The following CRYL1 variants were observed in gnomAD, a reference collection of about 807,000 sequenced individuals.
The protein encoded by CRYL1 is lambda-crystallin homolog.
A neutral mutation model predicts 36.6 loss-of-function variants in CRYL1; 29 were observed. That is an observed-to-expected ratio of 0.79 (90% CI 0.59 to 1.08). CRYL1 has a LOEUF of 1.08. Among genes scored for constraint, CRYL1 ranks in the 50% least tolerant of loss-of-function variants. CRYL1 has a pLI of 0.00. For synonymous variants in CRYL1, 152 were observed against 151.5 expected (o/e 1.00, Z -0.02); for missense variants, 411 against 407.9 (o/e 1.01, Z -0.06).
chr13:20,462,661 TC>T (rs1208423169), intron 3 of CRYL1, among the ~76,000 whole-genome samples: 6 of 151,636 alleles, frequency 4.0e-5, no homozygotes, highest in African/African-American at 1.5e-4. Context: ...AAAGCTCTCA[TC>T]GGAAGGGCAG....
rs193275372 is a variant in CRYL1 at position 20,464,909 on chromosome 13, G to A, written c.276+24461C>T. Among the ~76,000 whole-genome samples, 24 of 152,178 alleles carry A rather than the reference G, an allele frequency of 1.6e-4. No homozygotes were observed. In the East Asian group the frequency reaches 3.9e-3, roughly 24 times the overall value. ...AAACATGCTACACACAGCCGCCTTC[G>A]CCATATCCCTGAAAGAAAACCTCTG... On this transcript the variant is annotated intron_variant, in intron 3 of 7. Coordinates refer to ENST00000298248, the MANE Select transcript of CRYL1 (RefSeq NM_015974.3).
chr13:20,411,278 T>C (rs2031516252), intron 6 of CRYL1, among the ~76,000 whole-genome samples: 1 of 152,194 alleles, frequency 6.6e-6, no homozygotes, highest in Non-Finnish European at 1.5e-5. Context: ...CGTCCACCAT[T>C]ATCATATGAA....
chr13:20,435,157 T>C lies in CRYL1; in HGVS notation c.439-2861A>G, dbSNP rs2032181211. Among the ~76,000 whole-genome samples the C allele has an allele frequency of 6.6e-6, 1 of 152,174 alleles. No individual in the cohort carries two copies. Among genetic ancestry groups the C allele is most frequent in the Non-Finnish European group, 1.5e-5 (1 of 68,024 alleles). On this transcript the variant is annotated intron_variant, in intron 4 of 7. Transcript: ENST00000298248. This position sits in a 1 kb window ranked among gnomAD's most constrained non-coding sequence, Gnocchi z 4.0. ...GTTGGTGGTGGTGGCTGCACACCAG[T>C]GAGAATGTCCTTAATGCCTCCAAAC...
At chr13:20,511,407 T>A (rs73447913) in intron 2 of CRYL1, among the ~76,000 whole-genome samples, 7,878 of 152,196 alleles carry the variant, frequency 0.052, 690 homozygotes, top group African/African-American at 0.18. Flanking sequence ...TTTTGTTTTT[T>A]AGATTGACAT....
chr13:20,525,374 T>A lies in CRYL1; in HGVS notation c.41+380A>T, dbSNP rs1456348234. On this transcript the variant is annotated intron_variant, in intron 1 of 7. Transcript: ENST00000298248. This position sits in a 1 kb window ranked among gnomAD's most constrained non-coding sequence, Gnocchi z 4.3. ...GGATGAGAACACAGTCGTCGCAGGA[T>A]CGCAGCCAGAATTCGTTTCATTCAA... Among the ~76,000 whole-genome samples the A allele has an allele frequency of 1.3e-5, 2 of 152,202 alleles. No individual in the cohort carries two copies. The highest frequency in any genetic ancestry group is 3.8e-4 in the East Asian group (2 of 5,198).
chr13:20,468,131 A>G (rs4264247), intron 3 of CRYL1, among the ~76,000 whole-genome samples: 125,257 of 152,102 alleles, frequency 0.82, 51,714 homozygotes, highest in Admixed American at 0.87. Flanking sequence ...GTGCCAAAAC[A>G]GTTGAGAACT....
intron 2 of CRYL1, among the ~76,000 whole-genome samples, chr13:20,504,056 C>T (rs1040141128): frequency 1.3e-5 from 2 of 152,080 alleles, no homozygotes; most frequent in Admixed American, 6.5e-5. Flanking sequence ...CTAAAGATGG[C>T]GATTTCAGAT....
chr13:20,420,244 C>G (rs906270051), intron 5 of CRYL1, among the ~76,000 whole-genome samples: 1 of 152,212 alleles, frequency 6.6e-6, no homozygotes, highest in African/African-American at 2.4e-5. Context: ...GGAGTCAGCG[C>G]TCCGGGGAAA....
intron 3 of CRYL1, among the ~76,000 whole-genome samples, chr13:20,476,537 T>G (rs958617256): frequency 6.6e-6 from 1 of 152,042 alleles, no homozygotes; most frequent in African/African-American, 2.4e-5. Flanking sequence ...GACTTTCAAA[T>G]GAAAATAAAC....
At chr13:20,453,280 T>C (rs1347320150) in intron 3 of CRYL1, among the ~76,000 whole-genome samples, 1 of 152,170 alleles carries the variant, frequency 6.6e-6, no homozygotes, top group African/African-American at 2.4e-5. Flanking sequence ...GAAGTGGAAG[T>C]CTATGAGAAA....
chr13:20,489,461 A>T lies in CRYL1; in HGVS notation c.185T>A (p.Leu62Gln), dbSNP rs2033467886. ...EMKLLEQAGS[L>Q]KGSLSVEEQL... ...CTCTTCCACACTCAGGGAGCCTTTCAGAGAACCTGCCTGCTCCAGCAACTT... is the reference window on the plus strand; with the variant it reads ...CTCTTCCACACTCAGGGAGCCTTTCTGAGAACCTGCCTGCTCCAGCAACTT... The change falls in exon 3 of 8, where the codon CTG becomes CAG. Residue 62 changes from leucine to glutamine, a missense_variant. Coordinates refer to ENST00000298248, the MANE Select transcript of CRYL1 (RefSeq NM_015974.3). 1 of 1,613,442 alleles carries T rather than the reference A, an allele frequency of 6.2e-7. No homozygotes were observed. Among genetic ancestry groups the T allele is most frequent in the Non-Finnish European group, 8.5e-7 (1 of 1,180,018 alleles).
chr13:20,434,238 G>A (rs917102285), intron 4 of CRYL1, among the ~76,000 whole-genome samples: 21 of 152,306 alleles, frequency 1.4e-4, no homozygotes, highest in African/African-American at 4.8e-4. Context: ...CCTGGGTCAA[G>A]TGTGAACTTG....
chr13:20,416,053 C>A (rs2031655190), intron 5 of CRYL1, among the ~76,000 whole-genome samples: 1 of 152,206 alleles, frequency 6.6e-6, no homozygotes, highest in African/African-American at 2.4e-5. Context: ...GCATCCTTCT[C>A]CCCGTCACTG....
chr13:20,436,114 G>A (rs1374799649), intron 4 of CRYL1, among the ~76,000 whole-genome samples: 1 of 152,164 alleles, frequency 6.6e-6, no homozygotes, highest in South Asian at 2.1e-4. Context: ...GTTCGAAAAG[G>A]CCACGCACAA....
intron 3 of CRYL1, among the ~76,000 whole-genome samples, chr13:20,472,278 G>A (rs1320056693): frequency 1.3e-5 from 2 of 152,110 alleles, no homozygotes; most frequent in African/African-American, 2.4e-5. Context: ...TAAATGCTAT[G>A]TATATAGTTG....
intron 5 of CRYL1, among the ~76,000 whole-genome samples, chr13:20,420,882 C>T (rs1015582920): frequency 2.0e-5 from 3 of 151,466 alleles, no homozygotes; most frequent in Non-Finnish European, 2.9e-5. Context: ...ACTACAGGCC[C>T]GCCACCACGC....
In CRYL1 at chr13:20,483,524, T is replaced by A. The variant is rs141063450; in HGVS notation, c.276+5846A>T. Among the ~76,000 whole-genome samples the A allele has an allele frequency of 4.4e-3, 673 of 152,012 alleles. 4 individuals are homozygous for A. Among genetic ancestry groups the A allele is most frequent in the Non-Finnish European group, 7.9e-3 (538 of 67,952 alleles). On this transcript the variant is annotated intron_variant, in intron 3 of 7. Transcript: ENST00000298248. ...ATCATTCTAAAAGAGCTCTGTACAG[T>A]CTTTCTTTTATTTTGGTTTGTCTGT...
intron 5 of CRYL1, chr13:20,426,820 C>T (rs2031943441): frequency 2.0e-6 from 2 of 985,362 alleles, no homozygotes; most frequent in South Asian, 9.4e-5. Flanking sequence ...TCTCAGGGCC[C>T]CATCCAGATG....
At chr13:20,523,604 G>A (rs2034134660) in intron 1 of CRYL1, among the ~76,000 whole-genome samples, 1 of 152,212 alleles carries the variant, frequency 6.6e-6, no homozygotes, top group East Asian at 1.9e-4. Flanking sequence ...GGAATCACCT[G>A]TGGGGCCAGG....
Sources: gnomAD v4.1 joint callset for allele counts (sites outside exome capture counted in the v4.1 genomes callset) on GRCh38, gnomAD v4.1.1 for gene constraint, Gnocchi (gnomAD v3.1) non-coding constraint, MANE v1.5 for transcripts, NCBI Gene and HGNC (gene_info 2026-07-23, HGNC 2026-07-21) for gene names.